KCNAB1: variants seen among roughly 807,000 people sequenced by gnomAD.
KCNAB1 encodes the protein potassium voltage-gated channel subfamily A regulatory beta subunit 1, also known as voltage-gated potassium channel subunit beta-1.
A neutral mutation model predicts 64.6 loss-of-function variants in KCNAB1; 35 were observed. The observed-to-expected ratio is 0.54, with a 90% confidence interval of 0.41 to 0.72. The LOEUF (loss-of-function observed/expected upper bound fraction) is 0.72. Among genes scored for constraint, KCNAB1 ranks in the 30% least tolerant of loss-of-function variants. The pLI, the probability that KCNAB1 is intolerant of heterozygous loss-of-function variation, is 0.00. For missense variants in KCNAB1, 401 were observed against 512.9 expected (o/e 0.78, Z 2.11); for synonymous variants, 177 against 183.8 (o/e 0.96, Z 0.30).
At chr3:156,368,385 T>C (rs1726085524) in intron 1 of KCNAB1, among the ~76,000 whole-genome samples, 1 of 152,178 alleles carries the variant, frequency 6.6e-6, no homozygotes, top group Non-Finnish European at 1.5e-5. Flanking sequence ...AGCAACAGTT[T>C]CACTCTTTGT....
intron 8 of KCNAB1, among the ~76,000 whole-genome samples, chr3:156,488,999 T>C (rs1715428903): frequency 6.6e-6 from 1 of 152,136 alleles, no homozygotes; most frequent in Non-Finnish European, 1.5e-5. Flanking sequence ...GATATGGGAT[T>C]CATAGCTGAT....
At chr3:156,495,030 T>C (rs1356092245) in intron 8 of KCNAB1, among the ~76,000 whole-genome samples, 1 of 152,076 alleles carries the variant, frequency 6.6e-6, no homozygotes, top group Non-Finnish European at 1.5e-5. Flanking sequence ...CCTCCTACCC[T>C]CAACTCCTCA....
rs1019856343 is a variant in KCNAB1, at chr3:156,537,050, C to T, written c.*303C>T. 7 of 437,182 alleles carry T rather than the reference C, an allele frequency of 1.6e-5. No individual in the cohort carries two copies. The highest frequency in any genetic ancestry group is 1.4e-4 in the African/African-American group (7 of 49,758). The allele number at this position is 437,182 out of a possible 1,614,324, so 27.1% of individuals were successfully genotyped here. ...GGGCCAGGGGGTGTGGTACTACCTTCAGGCATTTGGTAACTCAAAGAAGGC... is the reference window on the plus strand; with the variant it reads ...GGGCCAGGGGGTGTGGTACTACCTTTAGGCATTTGGTAACTCAAAGAAGGC... On this transcript the variant is annotated 3_prime_UTR_variant, in exon 14 of 14. Coordinates refer to ENST00000490337, the MANE Select transcript of KCNAB1 (RefSeq NM_172160.3).
At chr3:156,379,666 C>T (rs1712005114) in intron 1 of KCNAB1, among the ~76,000 whole-genome samples, 1 of 152,178 alleles carries the variant, frequency 6.6e-6, no homozygotes, top group African/African-American at 2.4e-5. Flanking sequence ...AGGGAGATAG[C>T]AGGAGCCAGA....
At chr3:156,135,519 A>T (rs767000402) in intron 1 of KCNAB1, among the ~76,000 whole-genome samples, 15 of 152,344 alleles carry the variant, frequency 9.8e-5, no homozygotes, top group South Asian at 2.1e-4. Flanking sequence ...GTAAAACAAG[A>T]TAATTAAATC....
At chr3:156,357,088 A>G (rs1411504832) in intron 1 of KCNAB1, among the ~76,000 whole-genome samples, 3 of 152,110 alleles carry the variant, frequency 2.0e-5, no homozygotes, top group African/African-American at 7.2e-5. Flanking sequence ...ATACAGATTT[A>G]TGCATGAGCA....
chr3:156,493,667 G>T (rs1168029721), intron 8 of KCNAB1, among the ~76,000 whole-genome samples: 1 of 152,068 alleles, frequency 6.6e-6, no homozygotes, highest in African/African-American at 2.4e-5. Context: ...ATCACACGTT[G>T]TAGCTACTCA....
At chr3:156,343,574 G>A (rs1168330269) in intron 1 of KCNAB1, among the ~76,000 whole-genome samples, 1 of 152,148 alleles carries the variant, frequency 6.6e-6, no homozygotes, top group Non-Finnish European at 1.5e-5. Flanking sequence ...GGAGGGTATG[G>A]GGCTTATTGG....
chr3:156,501,171 C>T (rs562034125), intron 8 of KCNAB1, among the ~76,000 whole-genome samples: 7 of 152,182 alleles, frequency 4.6e-5, no homozygotes, highest in Admixed American at 6.5e-5. Context: ...TTCTCCTCCT[C>T]GGGGAACTGC....
intron 1 of KCNAB1, among the ~76,000 whole-genome samples, chr3:156,208,222 T>C (rs1714784980): frequency 1.3e-5 from 2 of 152,208 alleles, no homozygotes; most frequent in African/African-American, 4.8e-5. Context: ...TGATTTCCCA[T>C]TCCTGAAGGT....
At chr3:156,283,662 T>C in intron 1 of KCNAB1, among the ~76,000 whole-genome samples, 1 of 151,870 alleles carries the variant, frequency 6.6e-6, no homozygotes, top group East Asian at 1.9e-4. Flanking sequence ...GCTTTGCTCA[T>C]TTCTTTTTAT....
At chr3:156,314,410 ATT>A (rs958881700) in intron 1 of KCNAB1, among the ~76,000 whole-genome samples, 3 of 152,170 alleles carry the variant, frequency 2.0e-5, no homozygotes, top group African/African-American at 7.2e-5. Flanking sequence ...TATTATCTCC[ATT>A]TTATAGATAA....
At chr3:156,435,696 G>A (rs1716539629) in intron 2 of KCNAB1, among the ~76,000 whole-genome samples, 1 of 151,970 alleles carries the variant, frequency 6.6e-6, no homozygotes, top group African/African-American at 2.4e-5. Context: ...GAGTATGTGG[G>A]GAGAATGTAC....
At chr3:156,371,872 A>G (rs1726327299) in intron 1 of KCNAB1, among the ~76,000 whole-genome samples, 1 of 152,226 alleles carries the variant, frequency 6.6e-6, no homozygotes, top group Non-Finnish European at 1.5e-5. Flanking sequence ...AGAAGGCAAT[A>G]AAATGAGGAT....
At chr3:156,200,766 C>T (rs900117034) in intron 1 of KCNAB1, among the ~76,000 whole-genome samples, 6 of 152,344 alleles carry the variant, frequency 3.9e-5, no homozygotes, top group Admixed American at 3.9e-4. Context: ...ATGGGACCCG[C>T]TGAATGAGAC....
chr3:156,479,322 T>A (rs939831923), intron 8 of KCNAB1, among the ~76,000 whole-genome samples: 19 of 152,128 alleles, frequency 1.2e-4, no homozygotes, highest in African/African-American at 4.1e-4. Context: ...CTCGAGCTCA[T>A]TAGACAAGAA....
chr3:156,229,930 T>C (rs1716417725), intron 1 of KCNAB1, among the ~76,000 whole-genome samples: 1 of 152,218 alleles, frequency 6.6e-6, no homozygotes, highest in Non-Finnish European at 1.5e-5. Context: ...ATAGTTGGCA[T>C]AGTATGGGAA....
chr3:156,466,667 A>T, intron 7 of KCNAB1, among the ~76,000 whole-genome samples: 1 of 152,066 alleles, frequency 6.6e-6, no homozygotes, highest in South Asian at 2.1e-4. Context: ...ATGCATAAAA[A>T]ATGTGTAGAA....
chr3:156,404,290 G>GT (rs3836230), intron 1 of KCNAB1, among the ~76,000 whole-genome samples: 336 of 150,694 alleles, frequency 2.2e-3, no homozygotes, highest in East Asian at 8.4e-3. Context: ...TTCTTAGTCT[G>GT]TTTTTTTTTC....
Sources: allele counts gnomAD v4.1 joint callset (sites outside exome capture counted in the v4.1 genomes callset), GRCh38; gene constraint gnomAD v4.1.1; transcripts MANE v1.5; gene names NCBI Gene and HGNC (gene_info 2026-07-23, HGNC 2026-07-21).